APTX: variants seen among roughly 807,000 people sequenced by gnomAD.
APTX encodes aprataxin.
In APTX, 33 loss-of-function variants were observed where a neutral mutation model predicts 42.3. The observed-to-expected ratio is 0.78, with a 90% confidence interval of 0.59 to 1.04. The LOEUF (loss-of-function observed/expected upper bound fraction) is 1.04. Ranked by LOEUF, APTX falls within the 50% of genes least tolerant of loss-of-function variation. The pLI, the probability that APTX is intolerant of heterozygous loss-of-function variation, is 0.00. For missense variants in APTX, 421 were observed against 415.1 expected (o/e 1.01, Z -0.12); for synonymous variants, 130 against 146.7 (o/e 0.89, Z 0.82).
At chr9:32,981,630 T>C (rs1287414643) in intron 6 of APTX, among the ~76,000 whole-genome samples, 7 of 152,156 alleles carry the variant, frequency 4.6e-5, no homozygotes, top group Non-Finnish European at 8.8e-5. Flanking sequence ...GCCCAAAAGA[T>C]GTTGAAGGCG....
chr9:32,976,770 AAC>A (rs1186901797), intron 6 of APTX, among the ~76,000 whole-genome samples: 3 of 152,256 alleles, frequency 2.0e-5, no homozygotes, highest in African/African-American at 7.2e-5. Context: ...AGCTAATTTC[AAC>A]AGTCATATTT....
In APTX at chr9:32,987,476, C is replaced by T. The variant is rs78820931; in HGVS notation, c.483+68G>A. On this transcript the variant is annotated intron_variant, in intron 4 of 7. Coordinates refer to ENST00000379817, the MANE Select transcript of APTX (RefSeq NM_001195248.2). ...ACGCATTTCTGAACTTTAAAGTGTACAAAACAATTAAGCAGTCATTATATT... is the reference window on the plus strand; with the variant it reads ...ACGCATTTCTGAACTTTAAAGTGTATAAAACAATTAAGCAGTCATTATATT... 5.0e-4 allele frequency: 799 copies of T among 1,594,374 alleles called. 4 individuals carry two copies. In the African/African-American group the frequency reaches 9.6e-3, roughly 19 times the overall value.
At chr9:32,995,760 C>A (rs1418947117) in intron 1 of APTX, among the ~76,000 whole-genome samples, 1 of 151,972 alleles carries the variant, frequency 6.6e-6, no homozygotes, top group Admixed American at 6.6e-5. Context: ...TGGTGGCGGG[C>A]ACCTGTAGTC....
chr9:33,013,631 C>T (rs1344223267), intron 1 of APTX, among the ~76,000 whole-genome samples: 1 of 152,040 alleles, frequency 6.6e-6, no homozygotes, highest in Admixed American at 6.6e-5. Flanking sequence ...ACGGTGAAAC[C>T]CCATCTCTAC....
chr9:33,018,173 C>A (rs577462596), intron 1 of APTX, among the ~76,000 whole-genome samples: 1 of 150,538 alleles, frequency 6.6e-6, no homozygotes, highest in Non-Finnish European at 1.5e-5. Flanking sequence ...CGCGGTGGCA[C>A]GATCTCAGCT....
At chr9:33,018,569 A>AG (rs1838097678) in intron 1 of APTX, among the ~76,000 whole-genome samples, 2 of 65,374 alleles carry the variant, frequency 3.1e-5, no homozygotes, top group Admixed American at 1.5e-4. Context: ...ACTTCGTCTC[A>AG]GAAAAAAAAA....
chr9:32,989,606 T>C (rs779020070), intron 2 of APTX, 153 bp downstream of exon 2: 9 of 1,159,362 alleles, frequency 7.8e-6, no homozygotes, highest in South Asian at 1.2e-5. Flanking sequence ...CAGGAATAAA[T>C]AGGGCCCTGG....
At chr9:33,020,142 G>T (rs1587676016) in intron 1 of APTX, 1 of 360,676 alleles carries the variant, frequency 2.8e-6, no homozygotes, top group Non-Finnish European at 5.0e-6. Context: ...TAACCGCCCT[G>T]GCTCCGACTC....
At position 33,001,617 on chromosome 9, in the gene APTX, G is replaced by A. The variant is rs370114338; in HGVS notation, c.-55C>T. 1.6e-5 allele frequency: 26 copies of A among 1,613,526 alleles called. No individual in the cohort carries two copies. In the African/African-American group the frequency reaches 2.4e-4, roughly 15 times the overall value. On this transcript the variant is annotated 5_prime_UTR_variant, in exon 1 of 8. Coordinates refer to ENST00000379817, the MANE Select transcript of APTX (RefSeq NM_001195248.2). ...TCACGTTACTCATCTGTGCCTCACC[G>A]CTTCCGGCGCTGCGGGATGACGTCA... is the stretch of plus-strand genomic sequence containing the variant.
intron 1 of APTX, 42 bp downstream of exon 1, chr9:33,001,525 T>C (rs772207546): frequency 3.7e-6 from 6 of 1,613,144 alleles, no homozygotes; most frequent in Admixed American, 3.3e-5. Flanking sequence ...CCCGCGGCAT[T>C]GAGCCCAGCC....
At chr9:32,997,159 C>G (rs74358406) in intron 1 of APTX, 2 of 152,160 alleles carry the variant, frequency 1.3e-5, no homozygotes, top group Non-Finnish European at 2.9e-5. Flanking sequence ...GTATCTTGTG[C>G]CATTCTAGTA....
At chr9:33,004,548 CTG>C (rs1836984991), upstream of APTX, among the ~76,000 whole-genome samples, 1 of 150,810 alleles carries the variant, frequency 6.6e-6, no homozygotes, top group Non-Finnish European at 1.5e-5. Flanking sequence ...AACTGTCACA[CTG>C]TTTTCCATAG....
upstream of APTX, among the ~76,000 whole-genome samples, chr9:33,004,001 C>A (rs1836942071): frequency 6.6e-6 from 1 of 152,164 alleles, no homozygotes; most frequent in East Asian, 1.9e-4. Flanking sequence ...TTTGCAATTG[C>A]AAGAACATGG....
chr9:33,017,075 G>C (rs1315351348), intron 1 of APTX, among the ~76,000 whole-genome samples: 1 of 152,140 alleles, frequency 6.6e-6, no homozygotes, highest in Admixed American at 6.6e-5. Context: ...GGGTGGAGGG[G>C]CTTCAAACCA....
intron 1 of APTX, among the ~76,000 whole-genome samples, chr9:33,018,723 C>T (rs1245173758): frequency 7.1e-6 from 1 of 140,552 alleles, no homozygotes; most frequent in Non-Finnish European, 1.6e-5. Context: ...ACTAAAAATA[C>T]AAAAAATTAG....
At position 32,987,602 on chromosome 9, in the gene APTX, C is replaced by T. The variant is rs760553347; in HGVS notation, c.425G>A (p.Ser142Asn). 3.1e-6 allele frequency: 5 copies of T among 1,614,066 alleles called. No homozygotes were observed. Among genetic ancestry groups the T allele is most frequent in the Middle Eastern group, 1.6e-4 (1 of 6,084 alleles). ...AEAGTGLEPGSNSGQCSVPLK... is the reference protein window; with the variant it reads ...AEAGTGLEPGNNSGQCSVPLK... ...GGGCACAGAGCATTGGCCAGAGTTG[C>T]TCCCAGGTTCCAGCCCTGTCCCAGC... The change falls in exon 4 of 8, where the codon AGC becomes AAC. Residue 142 changes from serine (S) to asparagine (N), a missense_variant. Physicochemically the swap from Ser to Asn is conservative, Grantham distance 46 (BLOSUM62 1). Coordinates refer to ENST00000379817, the MANE Select transcript of APTX (RefSeq NM_001195248.2).
At chr9:32,990,849 T>A (rs1423241813) in intron 1 of APTX, among the ~76,000 whole-genome samples, 1 of 152,220 alleles carries the variant, frequency 6.6e-6, no homozygotes. Context: ...TGTCATGACA[T>A]ACTGATGTTA....
intron 6 of APTX, chr9:32,979,662 CT>C: frequency 6.3e-6 from 1 of 159,372 alleles, no homozygotes; most frequent in South Asian, 1.6e-4. Flanking sequence ...TTCCACCTGC[CT>C]TGGCCACCTA....
At position 32,989,772 on chromosome 9, in the gene APTX, A is replaced by T. The variant is rs1331903764; in HGVS notation, c.120T>A (p.Cys40Ter). ...ATGACCAGTTACCTTGCTGTCGAGA[A>T]CATTTCTTATCAGTGATCTTGGTCT... ...GPETKITDKK[C>*]SRQQVQLKAE... is the part of the protein sequence containing the mutation. Residue 40 changes from cysteine (C) to a stop codon, truncating the protein, a stop_gained, in exon 2 of 8, where the codon TGT becomes TGA. Coordinates refer to ENST00000379817, the MANE Select transcript of APTX (RefSeq NM_001195248.2). LOFTEE classifies it high-confidence loss of function. The T allele has an allele frequency of 6.2e-7, 1 of 1,614,266 alleles. No individual in the cohort carries two copies. The highest frequency in any genetic ancestry group is 1.1e-5 in the South Asian group (1 of 91,084).
Sources: gnomAD v4.1 joint callset for allele counts (sites outside exome capture counted in the v4.1 genomes callset) on GRCh38, gnomAD v4.1.1 for gene constraint, MANE v1.5 for transcripts, NCBI Gene and HGNC (gene_info 2026-07-23, HGNC 2026-07-21) for gene names.